CTNND2: variants seen among roughly 807,000 people sequenced by gnomAD.
CTNND2 encodes the protein catenin delta 2.
In CTNND2, 22 loss-of-function variants were observed where a neutral mutation model predicts 144.4. The ratio of observed to expected loss-of-function variants is 0.15; its 90% CI spans 0.11 to 0.22. The LOEUF (loss-of-function observed/expected upper bound fraction) is 0.22. Ranked by LOEUF, CTNND2 falls within the 10% of genes least tolerant of loss-of-function variation. The probability of loss-of-function intolerance (pLI) is 1.00; values close to 1 mark genes in which losing one functional copy is unlikely to be tolerated. For missense variants in CTNND2, 1,353 were observed against 1,618.8 expected (o/e 0.84, Z 2.82); for synonymous variants, 751 against 695.6 (o/e 1.08, Z -1.25).
At position 11,669,309 on chromosome 5, in the gene CTNND2, A is replaced by G. The variant is rs142748320; in HGVS notation, c.174+62827T>C. Among the ~76,000 whole-genome samples, 574 of 152,036 alleles carry G rather than the reference A, an allele frequency of 3.8e-3. 2 individuals are homozygous for G. Among genetic ancestry groups the G allele is most frequent in the African/African-American group, 0.013 (529 of 41,486 alleles). On this transcript the variant is annotated intron_variant, in intron 2 of 21. Transcript: ENST00000304623. ...GTTAGGGAGGATTCCCTCTTTTTCT[A>G]TTGTTTGGAATAGTTTCAGAAGGAA...
chr5:11,519,014 C>T (rs913073012), intron 3 of CTNND2, among the ~76,000 whole-genome samples: 3 of 150,870 alleles, frequency 2.0e-5, no homozygotes, highest in Non-Finnish European at 2.9e-5. Flanking sequence ...TCTCAACACA[C>T]ACACACACAC....
intron 9 of CTNND2, among the ~76,000 whole-genome samples, chr5:11,311,260 ACACT>A (rs1257633239): frequency 2.7e-5 from 3 of 112,740 alleles, no homozygotes; most frequent in Non-Finnish European, 5.5e-5. Context: ...ATAAACTCTC[ACACT>A]CACTCCATGC....
intron 1 of CTNND2, among the ~76,000 whole-genome samples, chr5:11,795,215 A>G (rs1311846987): frequency 6.6e-6 from 1 of 152,226 alleles, no homozygotes; most frequent in Admixed American, 6.5e-5. Context: ...AGTAGCTATC[A>G]TAAATGCCAA....
In CTNND2 at chr5:11,448,622, T is replaced by G. The variant is rs534798893; in HGVS notation, c.288-36553A>C. ...TTTTGGTTTTCACAGTTTTAATTAC[T>G]TATATTAAGGTATTGAAAATGTTTG... On this transcript the variant is annotated intron_variant, in intron 3 of 21. Coordinates refer to ENST00000304623, the MANE Select transcript of CTNND2 (RefSeq NM_001332.4). Among the ~76,000 whole-genome samples, 5 of 152,338 alleles carry G rather than the reference T, an allele frequency of 3.3e-5. No individual in the cohort carries two copies. The South Asian group carries it at 1.0e-3, about 32-fold the overall frequency.
chr5:11,354,895 G>A (rs1012396522), intron 8 of CTNND2, among the ~76,000 whole-genome samples: 1 of 152,106 alleles, frequency 6.6e-6, no homozygotes, highest in Admixed American at 6.5e-5. Context: ...TCAACATCAA[G>A]TATCTTTTCT....
At chr5:11,178,143 A>G (rs530131544) in intron 11 of CTNND2, among the ~76,000 whole-genome samples, 4 of 152,286 alleles carry the variant, frequency 2.6e-5, no homozygotes, top group Non-Finnish European at 5.9e-5. Flanking sequence ...AATAGTGTTC[A>G]AGTATTCTTT....
Position 11,903,868 on chromosome 5 carries a change from C to A in CTNND2, c.-15G>T. On this transcript the variant is annotated 5_prime_UTR_variant, in exon 1 of 22. Coordinates refer to ENST00000304623, the MANE Select transcript of CTNND2 (RefSeq NM_001332.4). The surrounding 1 kb of genome is among the most constrained non-coding windows in gnomAD (Gnocchi z 5.4). The stretch of plus-strand genomic sequence containing the variant: ...CTCGCAAACATGCACCCTCCGCCGG[C>A]GACAGCTCCTCAGTCCGGGAAGAGG... 1 of 1,473,666 alleles carries A rather than the reference C, an allele frequency of 6.8e-7. No homozygotes were observed. Among genetic ancestry groups the A allele is most frequent in the Non-Finnish European group, 8.9e-7 (1 of 1,117,808 alleles). 91.3% of individuals were successfully genotyped at this position (1,473,666 alleles called of 1,614,324 possible).
At chr5:11,862,538 G>A (rs138438372) in intron 1 of CTNND2, among the ~76,000 whole-genome samples, 1 of 152,224 alleles carries the variant, frequency 6.6e-6, no homozygotes, top group East Asian at 1.9e-4. Flanking sequence ...AAAACTTGAT[G>A]CATTTCTTAC....
chr5:11,850,335 T>C (rs1794955246), intron 1 of CTNND2, among the ~76,000 whole-genome samples: 1 of 152,168 alleles, frequency 6.6e-6, no homozygotes, highest in African/African-American at 2.4e-5. Context: ...CATATTTTGT[T>C]TCGTAAAGAC....
At chr5:11,406,969 TTAAACAAA>T (rs1226147869) in intron 5 of CTNND2, among the ~76,000 whole-genome samples, 1 of 151,830 alleles carries the variant, frequency 6.6e-6, no homozygotes, top group Non-Finnish European at 1.5e-5. Flanking sequence ...AATACAATAT[TTAAACAAA>T]TTAACAATCT....
At chr5:11,543,124 C>A (rs532903440) in intron 3 of CTNND2, among the ~76,000 whole-genome samples, 1 of 152,220 alleles carries the variant, frequency 6.6e-6, no homozygotes, top group Non-Finnish European at 1.5e-5. Context: ...TCATCTCATG[C>A]CTTTCAAGTC....
intron 9 of CTNND2, among the ~76,000 whole-genome samples, chr5:11,297,207 T>C (rs1318927310): frequency 1.3e-5 from 2 of 152,180 alleles, no homozygotes; most frequent in African/African-American, 4.8e-5. Flanking sequence ...TACAAAAAAG[T>C]TCATTGCTAT....
intron 2 of CTNND2, among the ~76,000 whole-genome samples, chr5:11,655,726 TA>T (rs538605613): frequency 2.1e-3 from 326 of 152,226 alleles, no homozygotes; most frequent in Middle Eastern, 6.8e-3. Context: ...AGGAATCAAA[TA>T]AGATCAATCC....
At chr5:11,232,376 T>G (rs1156908060) in intron 10 of CTNND2, among the ~76,000 whole-genome samples, 3 of 152,252 alleles carry the variant, frequency 2.0e-5, no homozygotes, top group Non-Finnish European at 4.4e-5. Context: ...AGTGGGGCTG[T>G]ACCCTGCAAA....
chr5:11,188,827 G>A (rs767878726), intron 11 of CTNND2, among the ~76,000 whole-genome samples: 9 of 152,074 alleles, frequency 5.9e-5, no homozygotes, highest in African/African-American at 1.4e-4. Flanking sequence ...CAGATTTCAC[G>A]TATGGGAGAC....
intron 16 of CTNND2, among the ~76,000 whole-genome samples, chr5:11,038,554 T>C (rs706232): frequency 0.81 from 123,218 of 152,116 alleles, 50,489 homozygotes; most frequent in African/African-American, 0.94. Flanking sequence ...GAATCCCAAC[T>C]CTACAGGCAG....
At chr5:11,765,567 G>A (rs545838505) in intron 1 of CTNND2, among the ~76,000 whole-genome samples, 3 of 152,298 alleles carry the variant, frequency 2.0e-5, no homozygotes, top group Non-Finnish European at 2.9e-5. Context: ...TTTTGTATGT[G>A]AGGTATGGAC....
chr5:11,556,756 T>C (rs1029945748), intron 3 of CTNND2, among the ~76,000 whole-genome samples: 2 of 334 alleles, frequency 6.0e-3, no homozygotes, highest in Non-Finnish European at 0.024. Flanking sequence ...AAACCTCTCT[T>C]TGCAAAAGTT....
At chr5:11,176,630 T>C (rs925052430) in intron 11 of CTNND2, among the ~76,000 whole-genome samples, 2 of 152,276 alleles carry the variant, frequency 1.3e-5, no homozygotes, top group Admixed American at 6.5e-5. Context: ...TCTACCTCTT[T>C]CTCCAAACCA....
Sources: gnomAD v4.1 joint callset for allele counts (sites outside exome capture counted in the v4.1 genomes callset) on GRCh38, gnomAD v4.1.1 for gene constraint, Gnocchi (gnomAD v3.1) non-coding constraint, MANE v1.5 for transcripts, NCBI Gene and HGNC (gene_info 2026-07-23, HGNC 2026-07-21) for gene names.